Variants in ECT2L observed in about 807,000 individuals in gnomAD.
The protein encoded by ECT2L is epithelial cell transforming 2 like, also known as epithelial cell-transforming sequence 2 oncogene-like.
ECT2L carries 126 observed loss-of-function variants against 122.8 expected under a neutral mutation model. The ratio of observed to expected loss-of-function variants is 1.03; its 90% CI spans 0.89 to 1.19. The LOEUF (loss-of-function observed/expected upper bound fraction) is 1.19, where lower values mean the gene tolerates loss of function less well. Among genes scored for constraint, ECT2L ranks in the 50% most tolerant of loss-of-function variants. ECT2L has a pLI of 0.00. For missense variants in ECT2L, 1,012 were observed against 1,064.1 expected (o/e 0.95, Z 0.68); for synonymous variants, 385 against 381.8 (o/e 1.01, Z -0.10).
intron 16 of ECT2L, among the ~76,000 whole-genome samples, chr6:138,883,999 G>T (rs1038260481): frequency 6.6e-5 from 10 of 152,084 alleles, no homozygotes; most frequent in African/African-American, 2.4e-4. Context: ...AAGTATCTAG[G>T]ACTACAGGCA....
At chr6:138,879,612 G>T (rs912771156) in intron 14 of ECT2L, among the ~76,000 whole-genome samples, 3 of 152,058 alleles carry the variant, frequency 2.0e-5, no homozygotes, top group Non-Finnish European at 4.4e-5. Flanking sequence ...CAACATCAGG[G>T]TATGGAATTT....
rs554487351 is a variant in ECT2L, at chr6:138,902,396, T to C, written c.2588-104T>C. 6.5e-6 allele frequency: 7 copies of C among 1,081,922 alleles called. No homozygotes were observed. The East Asian group carries it at 1.2e-4, about 19-fold the overall frequency. The allele number at this position is 1,081,922 out of a possible 1,614,324, so 67.0% of individuals were successfully genotyped here. On this transcript the variant is annotated intron_variant, in intron 21 of 21. Coordinates refer to ENST00000541398, the MANE Select transcript of ECT2L (RefSeq NM_001077706.3). Reference sequence around the variant, plus strand: ...CACTGAATATGTATTTCTTTTTAGGTTTTAAAAAATTCTTAAAGATGATGA... The same window carrying C: ...CACTGAATATGTATTTCTTTTTAGGCTTTAAAAAATTCTTAAAGATGATGA...
intron 14 of ECT2L, among the ~76,000 whole-genome samples, chr6:138,878,680 C>T (rs1381250117): frequency 2.0e-5 from 3 of 152,158 alleles, no homozygotes; most frequent in African/African-American, 7.2e-5. Context: ...CTCCTGAGCT[C>T]AGGTGATCCA....
chr6:138,848,554 T>C (rs1777314484), intron 8 of ECT2L, among the ~76,000 whole-genome samples: 1 of 152,214 alleles, frequency 6.6e-6, no homozygotes, highest in African/African-American at 2.4e-5. Flanking sequence ...TTTCTATTTG[T>C]AACAAAATAG....
chr6:138,875,705 A>G (rs200012298), intron 13 of ECT2L, among the ~76,000 whole-genome samples: 6 of 152,230 alleles, frequency 3.9e-5, no homozygotes, highest in African/African-American at 1.4e-4. Flanking sequence ...ACTGTTTATG[A>G]CACATTTTCA....
At chr6:138,856,660 CTCT>C (rs1777622469) in intron 10 of ECT2L, among the ~76,000 whole-genome samples, 1 of 151,144 alleles carries the variant, frequency 6.6e-6, no homozygotes, top group South Asian at 2.1e-4. Flanking sequence ...GAACTTGTCT[CTCT>C]TTTTTGGCTA....
Position 138,796,149 on chromosome 6 carries a change from G to A in ECT2L, c.-287G>A, listed in dbSNP as rs1484571609. 6.6e-6 allele frequency: 1 copy of A among 152,568 alleles called. No homozygotes were observed. Among genetic ancestry groups the A allele is most frequent in the Non-Finnish European group, 1.5e-5 (1 of 68,358 alleles). The allele number at this position is 152,568 out of a possible 1,614,324, so 9.5% of individuals were successfully genotyped here. A position where few individuals can be genotyped will look rare whatever the true frequency, so the allele number is the denominator to read the frequency against. ...GATTTTCACTGCGCGGTTCCAAGAGGAGACAGCCGCCACTGTACCGGGCCT... is the reference window on the plus strand; with the variant it reads ...GATTTTCACTGCGCGGTTCCAAGAGAAGACAGCCGCCACTGTACCGGGCCT... On this transcript the variant is annotated 5_prime_UTR_variant, in exon 1 of 22. Transcript: ENST00000541398.
chr6:138,886,941 T>C lies in ECT2L; in HGVS notation c.2325+19T>C, dbSNP rs1468225477. On this transcript the variant is annotated intron_variant, in intron 19 of 21. Coordinates refer to ENST00000541398, the MANE Select transcript of ECT2L (RefSeq NM_001077706.3). ...ATGCCCTGTATGTATTCTTAGGAAC[T>C]TGCTGTATCTCATGCTCATGAATAC... 1 of 1,596,778 alleles carries C rather than the reference T, an allele frequency of 6.3e-7. No individual in the cohort carries two copies. Among genetic ancestry groups the C allele is most frequent in the East Asian group, 2.2e-5 (1 of 44,764 alleles).
chr6:138,849,556 T>C, intron 9 of ECT2L, 122 bp downstream of exon 9: 1 of 1,137,668 alleles, frequency 8.8e-7, no homozygotes, highest in Non-Finnish European at 1.2e-6. Context: ...TTTTTTGGCT[T>C]TATGAAAAAA....
chr6:138,879,917 C>A (rs1188859), intron 14 of ECT2L, among the ~76,000 whole-genome samples: 15 of 151,766 alleles, frequency 9.9e-5, no homozygotes, highest in Non-Finnish European at 2.1e-4. Context: ...CACACCACTG[C>A]ACTCCAGCCT....
At chr6:138,882,501 C>T (rs1370188720) in intron 15 of ECT2L, among the ~76,000 whole-genome samples, 1 of 152,170 alleles carries the variant, frequency 6.6e-6, no homozygotes, top group Non-Finnish European at 1.5e-5. Flanking sequence ...CCTCAAGGAA[C>T]TGAGGTGAAG....
intron 20 of ECT2L, among the ~76,000 whole-genome samples, chr6:138,890,303 G>A (rs1198009208): frequency 6.6e-6 from 1 of 151,982 alleles, no homozygotes; most frequent in Non-Finnish European, 1.5e-5. Flanking sequence ...TCCAATAAAT[G>A]TAATAAAAAT....
chr6:138,897,004 C>T (rs1438075656), intron 20 of ECT2L, among the ~76,000 whole-genome samples: 1 of 152,176 alleles, frequency 6.6e-6, no homozygotes, highest in African/African-American at 2.4e-5. Context: ...CTGCCTTTCT[C>T]TGTGTCTCTT....
At chr6:138,851,504 T>C (rs1298102017) in intron 9 of ECT2L, among the ~76,000 whole-genome samples, 1 of 136,604 alleles carries the variant, frequency 7.3e-6, no homozygotes, top group Non-Finnish European at 1.6e-5. Flanking sequence ...TTTTTTTTTT[T>C]TAAATAGTAG....
chr6:138,830,571 T>A (rs1776616105), intron 4 of ECT2L, among the ~76,000 whole-genome samples: 1 of 152,120 alleles, frequency 6.6e-6, no homozygotes, highest in Admixed American at 6.5e-5. Context: ...TTTTTGCCCT[T>A]TTAAGTCCGT....
intron 5 of ECT2L, among the ~76,000 whole-genome samples, chr6:138,841,777 T>C (rs1424330241): frequency 6.6e-6 from 1 of 152,240 alleles, no homozygotes; most frequent in Non-Finnish European, 1.5e-5. Context: ...CCTTATTGCA[T>C]TGATAGCTCT....
intron 1 of ECT2L, among the ~76,000 whole-genome samples, chr6:138,805,015 C>A (rs1484102646): frequency 1.3e-5 from 2 of 152,194 alleles, no homozygotes; most frequent in African/African-American, 4.8e-5. Flanking sequence ...TTCCTCCCCA[C>A]AGGTAAACCT....
intron 19 of ECT2L, 80 bp from the exon 20 acceptor site, chr6:138,888,863 T>C (rs1778920727): frequency 4.0e-6 from 2 of 505,456 alleles, no homozygotes; most frequent in African/African-American, 2.0e-5. Flanking sequence ...TTGCATATTC[T>C]GAGATATAAA....
chr6:138,865,285 T>G (rs1459852034), intron 12 of ECT2L, 107 bp downstream of exon 12: 1 of 1,115,806 alleles, frequency 9.0e-7, no homozygotes, highest in East Asian at 2.6e-5. Flanking sequence ...CTCTTGAACA[T>G]CTCCAGTAAA....
Sources: allele counts gnomAD v4.1 joint callset (sites outside exome capture counted in the v4.1 genomes callset), GRCh38; gene constraint gnomAD v4.1.1; transcripts MANE v1.5; gene names NCBI Gene and HGNC (gene_info 2026-07-23, HGNC 2026-07-21).